Variants in ABCC4 observed in about 807,000 individuals in gnomAD.
ABCC4 encodes the protein ATP binding cassette subfamily C member 4 (PEL blood group), also known as ATP-binding cassette sub-family C member 4.
In ABCC4, 102 loss-of-function variants were observed where a neutral mutation model predicts 168.5. The ratio of observed to expected loss-of-function variants is 0.61; its 90% CI spans 0.52 to 0.71. The LOEUF (loss-of-function observed/expected upper bound fraction) is 0.71. Ranked by LOEUF, ABCC4 falls within the 30% of genes least tolerant of loss-of-function variation. The pLI, the probability that ABCC4 is intolerant of heterozygous loss-of-function variation, is 0.00. For synonymous variants in ABCC4, 617 were observed against 590.7 expected (o/e 1.04, Z -0.65); for missense variants, 1,402 against 1,605.8 (o/e 0.87, Z 2.17).
rs115425487 is a variant in ABCC4, at chr13:95,126,023, A to G, written c.2456-10022T>C. Among the ~76,000 whole-genome samples, 1,333 of 152,292 alleles carry G rather than the reference A, an allele frequency of 8.8e-3. 21 individuals carry two copies. Among genetic ancestry groups the G allele is most frequent in the African/African-American group, 0.03 (1,240 of 41,572 alleles). On this transcript the variant is annotated intron_variant, in intron 19 of 30. Transcript: ENST00000645237. ...TTTTCGCTTGGAAATGCACATGTGTACAGTTTGCATATGATTTCAGGGGAT... is the reference window on the plus strand; with the variant it reads ...TTTTCGCTTGGAAATGCACATGTGTGCAGTTTGCATATGATTTCAGGGGAT...
intron 27 of ABCC4, among the ~76,000 whole-genome samples, chr13:95,050,497 A>G (rs2139258337): frequency 6.6e-6 from 1 of 152,342 alleles, no homozygotes; most frequent in South Asian, 2.1e-4. Context: ...CGAGCAATGT[A>G]AATGCTCTGG....
At chr13:95,175,954 G>T (rs923725832) in intron 13 of ABCC4, among the ~76,000 whole-genome samples, 3 of 152,036 alleles carry the variant, frequency 2.0e-5, no homozygotes, top group Non-Finnish European at 4.4e-5. Context: ...ACAGGAACAG[G>T]TGCCTGCCTG....
At chr13:95,211,019 T>C (rs1230650166) in intron 4 of ABCC4, among the ~76,000 whole-genome samples, 2 of 151,622 alleles carry the variant, frequency 1.3e-5, no homozygotes, top group Non-Finnish European at 2.9e-5. Flanking sequence ...ATTTAATGAA[T>C]TTGGACACGC....
rs570272577 is a variant in ABCC4 at position 95,217,098 on chromosome 13, T to C, written c.532-6317A>G. 2.9e-4 allele frequency among the ~76,000 whole-genome samples: 44 copies of C among 152,332 alleles called. 1 individual carries two copies. The highest frequency in any genetic ancestry group is 6.8e-3 in the Middle Eastern group (2 of 294). Reference sequence around the variant, plus strand: ...ACCATCAGAGCAGGGCACCATTTGATAGCTGCTTACTACTGAAGGCAGGCA... The same window carrying C: ...ACCATCAGAGCAGGGCACCATTTGACAGCTGCTTACTACTGAAGGCAGGCA... On this transcript the variant is annotated intron_variant, in intron 4 of 30. Transcript: ENST00000645237.
chr13:95,032,750 G>C (rs184563838), intron 30 of ABCC4, among the ~76,000 whole-genome samples: 1 of 148,018 alleles, frequency 6.8e-6, no homozygotes. Flanking sequence ...TGCAACCTCC[G>C]CCTCCCAGGT....
chr13:95,058,782 G>A (rs763886433), intron 26 of ABCC4, among the ~76,000 whole-genome samples: 1 of 152,078 alleles, frequency 6.6e-6, no homozygotes, highest in African/African-American at 2.4e-5. Context: ...CCTGGAGAAT[G>A]GGGCTAACTT....
At chr13:95,059,445 C>T (rs534310536) in intron 26 of ABCC4, among the ~76,000 whole-genome samples, 2 of 152,292 alleles carry the variant, frequency 1.3e-5, no homozygotes, top group African/African-American at 4.8e-5. Flanking sequence ...AGGGACAAGC[C>T]CCTGTTCTCA....
Position 95,258,393 on chromosome 13 carries a change from T to C in ABCC4, c.75-10640A>G, listed in dbSNP as rs1415502412. Among the ~76,000 whole-genome samples, 3 of 152,252 alleles carry C rather than the reference T, an allele frequency of 2.0e-5. No homozygotes were observed. The East Asian group carries it at 5.8e-4, about 29-fold the overall frequency. The stretch of plus-strand genomic sequence containing the variant: ...CCCCTTGCGTGCGAGCAAATGCTTT[T>C]CCCCATCTTCTCCCATGATTAGATC... On this transcript the variant is annotated intron_variant, in intron 1 of 30. Coordinates refer to ENST00000645237, the MANE Select transcript of ABCC4 (RefSeq NM_005845.5).
chr13:95,295,847 G>C (rs912477768), intron 1 of ABCC4, among the ~76,000 whole-genome samples: 4 of 151,118 alleles, frequency 2.6e-5, no homozygotes, highest in African/African-American at 4.9e-5. Context: ...GGCACCTGTA[G>C]TCCCAGCTAC....
At chr13:95,217,518 G>C (rs1222294510) in intron 4 of ABCC4, among the ~76,000 whole-genome samples, 1 of 152,152 alleles carries the variant, frequency 6.6e-6, no homozygotes, top group East Asian at 1.9e-4. Context: ...GATCACCTTA[G>C]ATCAGGAGTT....
chr13:95,231,622 A>G (rs879382901), intron 4 of ABCC4, among the ~76,000 whole-genome samples: 14 of 152,210 alleles, frequency 9.2e-5, no homozygotes, highest in Admixed American at 9.2e-4. Context: ...TCACCTGGGC[A>G]TGTTTCCACA....
chr13:95,087,245 GC>G (rs1357033743), intron 20 of ABCC4, among the ~76,000 whole-genome samples: 3 of 152,174 alleles, frequency 2.0e-5, no homozygotes, highest in Non-Finnish European at 4.4e-5. Flanking sequence ...CAAAAAACTG[GC>G]AGGGTGCGGT....
chr13:95,163,162 G>C lies in ABCC4; in HGVS notation c.2268C>G (p.Thr756=), dbSNP rs747539313. 9.3e-6 allele frequency: 15 copies of C among 1,612,970 alleles called. No individual in the cohort carries two copies. ...NVTVNGGGNV[T]EKLDLNWYLG... Reference sequence around the variant, plus strand: ...AGTACCAGTTAAGATCTAGCTTCTCGGTTACATTTCCTCCTCCATTTACAG... The same window carrying C: ...AGTACCAGTTAAGATCTAGCTTCTCCGTTACATTTCCTCCTCCATTTACAG... Residue 756 remains threonine (T), a synonymous_variant, in exon 18 of 31, where the codon ACC becomes ACG. Transcript: ENST00000645237.
At chr13:95,277,034 C>A (rs149249181) in intron 1 of ABCC4, among the ~76,000 whole-genome samples, 3 of 152,052 alleles carry the variant, frequency 2.0e-5, no homozygotes, top group African/African-American at 7.2e-5. Context: ...TAAATAAATA[C>A]AATAAATAAA....
intron 1 of ABCC4, among the ~76,000 whole-genome samples, chr13:95,266,996 A>C (rs1411762393): frequency 6.6e-6 from 1 of 151,404 alleles, no homozygotes; most frequent in Admixed American, 6.6e-5. Context: ...CAGCCTCCCA[A>C]GTAGCTGGGA....
intron 19 of ABCC4, among the ~76,000 whole-genome samples, chr13:95,145,782 A>G (rs1365229839): frequency 6.6e-6 from 1 of 152,180 alleles, no homozygotes; most frequent in African/African-American, 2.4e-5. Context: ...AAAAGAACAA[A>G]CTTATGCCCT....
intron 4 of ABCC4, among the ~76,000 whole-genome samples, chr13:95,212,007 T>C (rs1185174201): frequency 6.6e-6 from 1 of 151,830 alleles, no homozygotes; most frequent in Non-Finnish European, 1.5e-5. Flanking sequence ...TGAAACCCTG[T>C]CTCTACTAAA....
chr13:95,111,043 A>C (rs2035188817), intron 20 of ABCC4, among the ~76,000 whole-genome samples: 1 of 151,758 alleles, frequency 6.6e-6, no homozygotes, highest in African/African-American at 2.4e-5. Flanking sequence ...TAAAATGTGA[A>C]TGTTGACTAT....
At chr13:95,261,333 C>T (rs1224189662) in intron 1 of ABCC4, among the ~76,000 whole-genome samples, 1 of 152,060 alleles carries the variant, frequency 6.6e-6, no homozygotes, top group Admixed American at 6.6e-5. Flanking sequence ...CCTGTAATCC[C>T]AGCTACTCAG....
Sources: allele counts gnomAD v4.1 joint callset (sites outside exome capture counted in the v4.1 genomes callset), GRCh38; gene constraint gnomAD v4.1.1; transcripts MANE v1.5; gene names NCBI Gene and HGNC (gene_info 2026-07-23, HGNC 2026-07-21).